Variants in ADAMTSL1 observed in about 807,000 individuals in gnomAD.
ADAMTSL1 encodes ADAMTS like 1.
In ADAMTSL1, 126 loss-of-function variants were observed where a neutral mutation model predicts 201.8. The observed-to-expected ratio is 0.62, with a 90% CI of 0.54 to 0.72. ADAMTSL1 has a LOEUF of 0.72. Among genes scored for constraint, ADAMTSL1 ranks in the 30% least tolerant of loss-of-function variants. ADAMTSL1 has a pLI of 0.00. For missense variants in ADAMTSL1, 2,679 were observed against 2,277.8 expected (o/e 1.18, Z -3.59); for synonymous variants, 1,121 against 903.4 (o/e 1.24, Z -4.32).
At chr9:18,647,067 T>G (rs974231931) in intron 7 of ADAMTSL1, among the ~76,000 whole-genome samples, 2 of 152,108 alleles carry the variant, frequency 1.3e-5, no homozygotes, top group Non-Finnish European at 2.9e-5. Context: ...CAATTTCAGA[T>G]CCTGTTATTG....
intron 2 of ADAMTSL1, among the ~76,000 whole-genome samples, chr9:18,515,786 A>G (rs1014124716): frequency 1.3e-5 from 2 of 152,208 alleles, no homozygotes; most frequent in African/African-American, 4.8e-5. Context: ...TGGTACATAC[A>G]CAGTTGTCTA....
Position 18,118,356 on chromosome 9 carries a change from G to A in ADAMTSL1, c.88-45506G>A, listed in dbSNP as rs115144016. Among the ~76,000 whole-genome samples the A allele has an allele frequency of 6.1e-4, 93 of 152,290 alleles. 1 individual carries two copies. Among genetic ancestry groups the A allele is most frequent in the African/African-American group, 2.2e-3 (90 of 41,576 alleles). Reference sequence around the variant, plus strand: ...TTTCTATTTTGATTTAAGATGCTGAGCAATAAACAGTCCTTGAAGCTACCA... The same window carrying A: ...TTTCTATTTTGATTTAAGATGCTGAACAATAAACAGTCCTTGAAGCTACCA... On this transcript the variant is annotated intron_variant, in intron 1 of 29. Coordinates refer to the ADAMTSL1 transcript ENST00000680146.
chr9:18,267,842 T>C (rs1244667435), intron 2 of ADAMTSL1, among the ~76,000 whole-genome samples: 1 of 151,854 alleles, frequency 6.6e-6, no homozygotes, highest in Non-Finnish European at 1.5e-5. Flanking sequence ...GATTTTGTCT[T>C]GTAGCGGCTT....
At chr9:18,291,385 C>T (rs1047733588) in intron 2 of ADAMTSL1, among the ~76,000 whole-genome samples, 3 of 152,164 alleles carry the variant, frequency 2.0e-5, no homozygotes, top group African/African-American at 7.2e-5. Flanking sequence ...CTCTGATGCT[C>T]TCATTTATTC....
chr9:18,357,372 T>G (rs529632896), intron 2 of ADAMTSL1, among the ~76,000 whole-genome samples: 2 of 152,172 alleles, frequency 1.3e-5, no homozygotes, highest in African/African-American at 4.8e-5. Flanking sequence ...GTAGAAGCAC[T>G]ATTAATATGT....
intron 1 of ADAMTSL1, among the ~76,000 whole-genome samples, chr9:18,103,032 G>A (rs1024080245): frequency 3.3e-4 from 50 of 152,050 alleles, no homozygotes; most frequent in African/African-American, 1.1e-3. Flanking sequence ...CTATACGTGG[G>A]TTCTTATGCC....
At chr9:18,715,735 A>G (rs1195017302) in intron 14 of ADAMTSL1, among the ~76,000 whole-genome samples, 7 of 151,926 alleles carry the variant, frequency 4.6e-5, no homozygotes, top group Admixed American at 4.6e-4. Context: ...GGAAAAAACT[A>G]CTTTAAAGTT....
intron 1 of ADAMTSL1, among the ~76,000 whole-genome samples, chr9:17,974,427 C>A (rs868608646): frequency 6.6e-6 from 1 of 151,996 alleles, no homozygotes; most frequent in African/African-American, 2.4e-5. Flanking sequence ...TTCTGCAATA[C>A]GGTGTAAATG....
At chr9:18,080,792 A>T (rs1823465267) in intron 1 of ADAMTSL1, among the ~76,000 whole-genome samples, 1 of 152,182 alleles carries the variant, frequency 6.6e-6, no homozygotes, top group African/African-American at 2.4e-5. Flanking sequence ...GTTCTAAGTC[A>T]TTTCTACTTA....
chr9:18,571,675 G>A (rs1484458384), intron 3 of ADAMTSL1, among the ~76,000 whole-genome samples: 1 of 152,166 alleles, frequency 6.6e-6, no homozygotes, highest in Non-Finnish European at 1.5e-5. Flanking sequence ...TCTCAAGTGG[G>A]GAAATTTAAG....
chr9:18,417,040 A>G (rs1188354702), intron 2 of ADAMTSL1, among the ~76,000 whole-genome samples: 1 of 152,048 alleles, frequency 6.6e-6, no homozygotes, highest in Non-Finnish European at 1.5e-5. Context: ...TTTTCAATAA[A>G]TGTAAAAAGA....
At chr9:18,523,357 G>A (rs570657499) in intron 2 of ADAMTSL1, among the ~76,000 whole-genome samples, 53 of 152,212 alleles carry the variant, frequency 3.5e-4, no homozygotes, top group African/African-American at 1.3e-3. Context: ...TGTCAGATGA[G>A]TAGGTTGCAA....
At chr9:18,070,509 T>C (rs144547327) in intron 1 of ADAMTSL1, among the ~76,000 whole-genome samples, 1 of 152,274 alleles carries the variant, frequency 6.6e-6, no homozygotes, top group East Asian at 1.9e-4. Context: ...AGTAAATGAA[T>C]GAATGGTAGA....
intron 3 of ADAMTSL1, among the ~76,000 whole-genome samples, chr9:18,548,369 A>T (rs1479982620): frequency 6.6e-6 from 1 of 152,028 alleles, no homozygotes; most frequent in African/African-American, 2.4e-5. Context: ...CATTGTTTAA[A>T]ATGGCCCCGA....
intron 4 of ADAMTSL1, among the ~76,000 whole-genome samples, chr9:18,608,659 A>T (rs1444549499): frequency 6.6e-6 from 1 of 152,158 alleles, no homozygotes; most frequent in Non-Finnish European, 1.5e-5. Flanking sequence ...AGAGTAGCCA[A>T]ATTGCTACCT....
chr9:18,776,343 G>A (rs2133749725), intron 18 of ADAMTSL1, among the ~76,000 whole-genome samples: 1 of 152,284 alleles, frequency 6.6e-6, no homozygotes, highest in South Asian at 2.1e-4. Context: ...AACATTTAGC[G>A]GAAGACATTC....
At position 18,910,042 on chromosome 9, in the gene ADAMTSL1, C is replaced by T. The variant is rs963048208; in HGVS notation, c.*1494C>T. ...TTAGGAGCAAGGGTGGCCAGAGTCC[C>T]TTACCCACAGATAAGCCTCCCCTCA... On this transcript the variant is annotated 3_prime_UTR_variant, in exon 29 of 29. Transcript: ENST00000380548. 8 of 152,198 alleles carry T rather than the reference C, an allele frequency of 5.3e-5. No individual in the cohort carries two copies. The highest frequency in any genetic ancestry group is 1.4e-4 in the African/African-American group (6 of 41,438). The allele number at this position is 152,198 out of a possible 1,614,324, so 9.4% of individuals were successfully genotyped here.
chr9:18,035,450 A>G (rs1186146561), intron 1 of ADAMTSL1, among the ~76,000 whole-genome samples: 1 of 152,146 alleles, frequency 6.6e-6, no homozygotes, highest in Non-Finnish European at 1.5e-5. Context: ...AAGAGGGGTA[A>G]TAGCATCAGT....
chr9:17,939,724 C>G (rs1186623614), intron 1 of ADAMTSL1, among the ~76,000 whole-genome samples: 2 of 152,094 alleles, frequency 1.3e-5, no homozygotes, highest in African/African-American at 4.8e-5. Context: ...ATTGTACTCC[C>G]ATACTATATT....
Sources: gnomAD v4.1 joint callset for allele counts (sites outside exome capture counted in the v4.1 genomes callset) on GRCh38, gnomAD v4.1.1 for gene constraint, MANE v1.5 for transcripts, NCBI Gene and HGNC (gene_info 2026-07-23, HGNC 2026-07-21) for gene names.